Variants in CHRM2 observed in about 807,000 individuals in gnomAD.
CHRM2 encodes cholinergic receptor muscarinic 2.
Under a neutral mutation model 25.0 loss-of-function variants are expected in CHRM2, and 8 were observed. The observed-to-expected ratio is 0.32, with a 90% CI of 0.19 to 0.58. The LOEUF (loss-of-function observed/expected upper bound fraction) is 0.58. Ranked by LOEUF, CHRM2 falls within the 20% of genes least tolerant of loss-of-function variation. The pLI is 0.88. For synonymous variants in CHRM2, 202 were observed against 205.7 expected, an observed-to-expected ratio of 0.98 and a Z score of 0.15; for missense variants, 440 against 567.1, an observed-to-expected ratio of 0.78 and a Z score of 2.28.
chr7:136,962,141 GTT>G lies in CHRM2; in HGVS notation c.-124-30035_-124-30034del, dbSNP rs71176362. Among the ~76,000 whole-genome samples the G allele has an allele frequency of 4.3e-4, 63 of 147,552 alleles. 1 individual carries two copies. The highest frequency in any genetic ancestry group is 4.7e-4 in the Admixed American group (7 of 14,872). On this transcript the variant is annotated intron_variant, in intron 2 of 3. Transcript: ENST00000680005. ...AACTGAATAGGTAACTGGTAATTCT[GTT>G]TTTTTTTTTTAGACAGAGTCTTGCT...
chr7:136,887,523 C>T (rs1796513552), intron 2 of CHRM2, among the ~76,000 whole-genome samples: 1 of 152,068 alleles, frequency 6.6e-6, no homozygotes, highest in Non-Finnish European at 1.5e-5. Flanking sequence ...GCCTGAAATA[C>T]CCTGAGTGTC....
chr7:136,938,379 C>T (rs1799544175), intron 2 of CHRM2: 3 of 1,588,242 alleles, frequency 1.9e-6, no homozygotes, highest in Non-Finnish European at 2.6e-6. Context: ...TCTCCAGCAT[C>T]TTGTTCTGCT....
At chr7:136,944,445 G>A (rs578237433) in intron 2 of CHRM2, among the ~76,000 whole-genome samples, 1 of 151,142 alleles carries the variant, frequency 6.6e-6, no homozygotes, top group African/African-American at 2.4e-5. Flanking sequence ...TTTGATGGCT[G>A]AGTCATATTC....
intron 2 of CHRM2, among the ~76,000 whole-genome samples, chr7:136,886,754 C>T (rs1433167737): frequency 6.6e-6 from 1 of 151,986 alleles, no homozygotes; most frequent in African/African-American, 2.4e-5. Flanking sequence ...CACTTGTAGT[C>T]CTAGCTACCT....
chr7:136,880,635 T>C (rs1442640532), intron 2 of CHRM2, among the ~76,000 whole-genome samples: 1 of 151,938 alleles, frequency 6.6e-6, no homozygotes, highest in Non-Finnish European at 1.5e-5. Flanking sequence ...GTTTTTTTAA[T>C]AGACTTTATT....
intron 3 of CHRM2, among the ~76,000 whole-genome samples, chr7:136,992,859 T>C (rs1490876097): frequency 2.0e-5 from 3 of 152,180 alleles, no homozygotes; most frequent in African/African-American, 4.8e-5. Flanking sequence ...GGAGTTGGTG[T>C]TGCAATCTTG....
rs149925055 is a variant in CHRM2, at chr7:136,947,423, T to C, written c.-124-44764T>C. ...AATACAGTAATTGATAATTGAGGTA[T>C]TTAGGTTTTTCTACTTTGATGACAA... On this transcript the variant is annotated intron_variant, in intron 2 of 3. Transcript: ENST00000680005. Among the ~76,000 whole-genome samples the C allele has an allele frequency of 2.4e-4, 37 of 152,304 alleles. No individual in the cohort carries two copies. In the East Asian group the frequency reaches 4.2e-3, roughly 17 times the overall value.
At chr7:136,982,730 G>A (rs569709549) in intron 2 of CHRM2, among the ~76,000 whole-genome samples, 1 of 152,158 alleles carries the variant, frequency 6.6e-6, no homozygotes, top group South Asian at 2.1e-4. Context: ...TGAAATTCTG[G>A]GTTGAAAATT....
intron 2 of CHRM2, among the ~76,000 whole-genome samples, chr7:136,913,599 A>G (rs191542988): frequency 1.3e-5 from 2 of 151,230 alleles, no homozygotes; most frequent in African/African-American, 2.5e-5. Context: ...CCAAAACCTA[A>G]TCACCAAAAT....
chr7:136,975,491 G>C (rs528050946), intron 2 of CHRM2, among the ~76,000 whole-genome samples: 1 of 152,258 alleles, frequency 6.6e-6, no homozygotes, highest in East Asian at 1.9e-4. Context: ...CACAGAAAAT[G>C]GGGAAGAATT....
chr7:136,879,088 T>C (rs2130493379), intron 2 of CHRM2, among the ~76,000 whole-genome samples: 2 of 152,016 alleles, frequency 1.3e-5, no homozygotes, highest in East Asian at 3.9e-4. Context: ...ATAATTTGAA[T>C]TTAAAAGTGC....
chr7:136,928,573 T>C (rs771977964), intron 2 of CHRM2, among the ~76,000 whole-genome samples: 1 of 152,184 alleles, frequency 6.6e-6, no homozygotes, highest in Non-Finnish European at 1.5e-5. Flanking sequence ...ATGAAACTGA[T>C]TGAGTTAGCA....
intron 2 of CHRM2, among the ~76,000 whole-genome samples, chr7:136,904,495 T>A (rs78144131): frequency 0.02 from 3,087 of 151,986 alleles, 100 homozygotes; most frequent in African/African-American, 0.07. Context: ...TCCTTTCTTT[T>A]TCCCAATATT....
chr7:136,999,630 G>A (rs1040655024), intron 3 of CHRM2, among the ~76,000 whole-genome samples: 3 of 150,390 alleles, frequency 2.0e-5, no homozygotes, highest in Admixed American at 6.7e-5. Flanking sequence ...TCCCACCTAT[G>A]AGTGTATTTT....
intron 3 of CHRM2, among the ~76,000 whole-genome samples, chr7:137,003,846 C>T (rs1281550765): frequency 6.6e-6 from 1 of 152,088 alleles, no homozygotes; most frequent in Non-Finnish European, 1.5e-5. Context: ...GGTGGTTACC[C>T]TAGTGCTGTT....
chr7:137,005,323 TAG>T (rs1294715932), intron 3 of CHRM2, among the ~76,000 whole-genome samples: 2 of 152,148 alleles, frequency 1.3e-5, no homozygotes, highest in African/African-American at 2.4e-5. Context: ...CAGCCTTAAG[TAG>T]AGACATGCTT....
intron 2 of CHRM2, among the ~76,000 whole-genome samples, chr7:136,990,623 G>A (rs1192180940): frequency 1.3e-5 from 2 of 152,096 alleles, no homozygotes; most frequent in Admixed American, 1.3e-4. Flanking sequence ...ACCTACTGAA[G>A]GATATCTTTG....
At chr7:136,893,667 T>G (rs977655127) in intron 2 of CHRM2, among the ~76,000 whole-genome samples, 1 of 152,216 alleles carries the variant, frequency 6.6e-6, no homozygotes, top group Non-Finnish European at 1.5e-5. Context: ...CAGTCTTCCA[T>G]AGAAGAAGGT....
intron 2 of CHRM2, among the ~76,000 whole-genome samples, chr7:136,987,465 T>C (rs1345216568): frequency 6.6e-6 from 1 of 152,268 alleles, no homozygotes; most frequent in South Asian, 2.1e-4. Flanking sequence ...CTAGAGAAAA[T>C]TTCTGTCAAA....
Sources: allele counts gnomAD v4.1 joint callset (sites outside exome capture counted in the v4.1 genomes callset), GRCh38; gene constraint gnomAD v4.1.1; transcripts MANE v1.5; gene names NCBI Gene and HGNC (gene_info 2026-07-23, HGNC 2026-07-21).